The following RBMX2 variants were observed in gnomAD, a reference collection of about 807,000 sequenced individuals.
RBMX2 encodes the protein RNA binding motif protein X-linked 2.
For missense variants in RBMX2, 191 were observed against 256.0 expected (o/e 0.75, Z 1.73); for synonymous variants, 77 against 94.3 (o/e 0.82, Z 1.07).
chrX:130,412,920 A>G lies in RBMX2; in HGVS notation c.*72A>G, dbSNP rs2034522600. Reference sequence around the variant, plus strand: ...TGCAGTCAAATTCAGTTGGGTGGTTACTATTTTTGTATCTAAAACTTCTGG... The same window carrying G: ...TGCAGTCAAATTCAGTTGGGTGGTTGCTATTTTTGTATCTAAAACTTCTGG... On this transcript the variant is annotated 3_prime_UTR_variant, in exon 6 of 6. Transcript: ENST00000305536. The G allele has an allele frequency of 9.6e-7, 1 of 1,041,658 alleles. No homozygotes were observed. 85.8% of individuals were successfully genotyped at this position (1,041,658 alleles called of 1,213,427 possible).
intron 1 of RBMX2, 31 bp from the exon 2 acceptor site, chrX:130,402,224 T>TCCCC: frequency 8.5e-7 from 1 of 1,174,326 alleles, no homozygotes; most frequent in Non-Finnish European, 1.1e-6. Context: ...CTTTTCTGCC[T>TCCCC]ACCCTCCCCA....
At chrX:130,404,318 ATC>A (rs2034473330) in intron 3 of RBMX2, 1 of 118,135 alleles carries the variant, frequency 8.5e-6, no homozygotes, top group African/African-American at 3.2e-5. Context: ...AGCAAAGGCA[ATC>A]TCTGCCTGGA....
intron 5 of RBMX2, among the ~76,000 whole-genome samples, chrX:130,412,015 C>T (rs746973950): frequency 3.6e-5 from 4 of 111,041 alleles, no homozygotes; most frequent in Non-Finnish European, 7.6e-5. Context: ...CTCCGCCTCC[C>T]GAGTTCATGC....
rs755193135 is a variant in RBMX2, at chrX:130,412,596, G to C, written c.717G>C (p.Glu239Asp). 3.3e-6 allele frequency: 4 copies of C among 1,209,565 alleles called. No homozygotes were observed. Among genetic ancestry groups the C allele is most frequent in the Admixed American group, 2.2e-5 (1 of 45,754 alleles). The change falls in exon 6 of 6, where the codon GAG (glutamate) becomes GAC (aspartate). Residue 239 changes from glutamate (E) to aspartate (D), a missense_variant. Glu to Asp is a conservative substitution (Grantham distance 45, BLOSUM62 2). Transcript: ENST00000305536. ...TAYSGGAEDL[E>D]RELKKEKPKH... is the part of the protein sequence containing the mutation. Reference sequence around the variant, plus strand: ...ACTCTGGTGGAGCAGAGGACCTAGAGAGGGAGCTGAAGAAGGAGAAACCCA... The same window carrying C: ...ACTCTGGTGGAGCAGAGGACCTAGACAGGGAGCTGAAGAAGGAGAAACCCA...
chrX:130,412,996 A>C lies in RBMX2; in HGVS notation c.*148A>C, dbSNP rs2034523066. On this transcript the variant is annotated 3_prime_UTR_variant, in exon 6 of 6. Transcript: ENST00000305536. ...TATTTAGAGTCATTGGGAGGGCTGCAGTTTCAACAGCTAGATATCCTGGAT... is the reference window on the plus strand; with the variant it reads ...TATTTAGAGTCATTGGGAGGGCTGCCGTTTCAACAGCTAGATATCCTGGAT... 1 of 533,061 alleles carries C rather than the reference A, an allele frequency of 1.9e-6. No individual in the cohort carries two copies. The highest frequency in any genetic ancestry group is 2.9e-6 in the Non-Finnish European group (1 of 341,079). 43.9% of individuals were successfully genotyped at this position (533,061 alleles called of 1,213,427 possible). A position where few individuals can be genotyped will look rare whatever the true frequency, so the allele number is the denominator to read the frequency against.
intron 3 of RBMX2, among the ~76,000 whole-genome samples, chrX:130,404,888 C>T (rs150937949): frequency 0.031 from 3,495 of 112,747 alleles, 55 homozygotes; most frequent in Middle Eastern, 0.06. Flanking sequence ...AAGTTCACAG[C>T]AGGTGCAGCC....
In RBMX2 at chrX:130,411,388, A is replaced by C; in HGVS notation, c.344A>C (p.Tyr115Ser). ...RTIRVDHVSNYRAPKDSEEID... is the reference protein window; with the variant it reads ...RTIRVDHVSNSRAPKDSEEID... ...ATCCGAGTGGATCATGTGTCTAACT[A>C]TCGGGCTCCTAAGGACTCAGAAGAA... Residue 115 changes from tyrosine to serine, a missense_variant, in exon 5 of 6, where the codon TAT becomes TCT. By Grantham distance (144) the Tyr-to-Ser change is moderately radical (BLOSUM62 -2). Coordinates refer to ENST00000305536, the MANE Select transcript of RBMX2 (RefSeq NM_016024.4). The C allele has an allele frequency of 1.7e-6, 2 of 1,204,565 alleles. No individual in the cohort carries two copies. Among genetic ancestry groups the C allele is most frequent in the Non-Finnish European group, 2.2e-6 (2 of 892,405 alleles).
Position 130,403,788 on chromosome X carries a change from G to T in RBMX2, c.122-14G>T, listed in dbSNP as rs747953293. On this transcript the variant is annotated splice_polypyrimidine_tract_variant and intron_variant, in intron 2 of 5. Transcript: ENST00000305536. ...TAAATGTTGGTGGAACTGAAATGTG[G>T]TTTTCTCTTCTAGGAGGGCTTCCTT... 5.7e-5 allele frequency: 69 copies of T among 1,205,522 alleles called. No homozygotes were observed. Among genetic ancestry groups the T allele is most frequent in the Non-Finnish European group, 7.6e-5 (68 of 890,812 alleles).
At chrX:130,407,734 T>G (rs1328908300) in intron 3 of RBMX2, among the ~76,000 whole-genome samples, 1 of 108,541 alleles carries the variant, frequency 9.2e-6, no homozygotes, top group Admixed American at 9.9e-5. Context: ...CCTAGCTCAC[T>G]GCAGCCTCGA....
Position 130,412,983 on chromosome X carries a change from T to G in RBMX2, c.*135T>G, listed in dbSNP as rs2034523021. On this transcript the variant is annotated 3_prime_UTR_variant, in exon 6 of 6. Transcript: ENST00000305536. ...TTAATCCCTTGACTATTTAGAGTCA[T>G]TGGGAGGGCTGCAGTTTCAACAGCT... is the stretch of plus-strand genomic sequence containing the variant. The G allele has an allele frequency of 6.3e-6, 4 of 633,017 alleles. No homozygotes were observed. In the Admixed American group the frequency reaches 1.6e-4, roughly 26 times the overall value. The allele number at this position is 633,017 out of a possible 1,213,427, so 52.2% of individuals were successfully genotyped here.
intron 3 of RBMX2, 183 bp downstream of exon 3, chrX:130,404,036 G>A (rs965554099): frequency 4.6e-6 from 2 of 431,839 alleles, no homozygotes; most frequent in Admixed American, 3.6e-5. Context: ...TTCTGTGGGA[G>A]ATCCAAGAGG....
At position 130,413,228 on chromosome X, in the gene RBMX2, T is replaced by C. The variant is rs2034524189; in HGVS notation, c.*380T>C. ...TTTCCAGTTACTAGGTTTGGACAGCTTGATGTGAACGAATGGGATAGGATT... is the reference window on the plus strand; with the variant it reads ...TTTCCAGTTACTAGGTTTGGACAGCCTGATGTGAACGAATGGGATAGGATT... On this transcript the variant is annotated 3_prime_UTR_variant, in exon 6 of 6. Transcript: ENST00000305536. 8.4e-6 allele frequency: 1 copy of C among 118,762 alleles called. No homozygotes were observed. The allele number at this position is 118,762 out of a possible 1,213,427, so 9.8% of individuals were successfully genotyped here. A position where few individuals can be genotyped will look rare whatever the true frequency, so the allele number is the denominator to read the frequency against.
chrX:130,402,224 T>TTGCCAA, intron 1 of RBMX2, 31 bp from the exon 2 acceptor site: 1 of 1,174,329 alleles, frequency 8.5e-7, no homozygotes, highest in Non-Finnish European at 1.1e-6. Context: ...CTTTTCTGCC[T>TTGCCAA]ACCCTCCCCA....
chrX:130,409,408 G>A lies in RBMX2; in HGVS notation c.303+22G>A, dbSNP rs1022318948. 3.4e-6 allele frequency: 4 copies of A among 1,189,523 alleles called. No individual in the cohort carries two copies. In the African/African-American group the frequency reaches 5.3e-5, roughly 16 times the overall value. ...CAAGGTGAGTGTGCTTATTAAGCAG[G>A]TTGGTTGGACTTTTTTCCCATGTAT... is the stretch of plus-strand genomic sequence containing the variant. On this transcript the variant is annotated intron_variant, in intron 4 of 5. Coordinates refer to ENST00000305536, the MANE Select transcript of RBMX2 (RefSeq NM_016024.4).
At chrX:130,407,658 G>A (rs59224232) in intron 3 of RBMX2, among the ~76,000 whole-genome samples, 12,050 of 106,850 alleles carry the variant, frequency 0.11, 1,712 homozygotes, top group African/African-American at 0.38. Context: ...TTTTTCTAAT[G>A]TTTTTTCTTT....
intron 3 of RBMX2, among the ~76,000 whole-genome samples, chrX:130,408,387 A>T (rs1035008634): frequency 8.9e-6 from 1 of 112,407 alleles, no homozygotes; most frequent in Non-Finnish European, 1.9e-5. Context: ...TCACAATAAA[A>T]TTCTTTTAAA....
rs190736932 is a variant in RBMX2, at chrX:130,404,795, G to A, written c.173+942G>A. ...GGGCAATACCCGTGAGAAGAAGGCT[G>A]TGATAGAGAACCTGGGCAACCCACA... On this transcript the variant is annotated intron_variant, in intron 3 of 5. Transcript: ENST00000305536. Among the ~76,000 whole-genome samples the A allele has an allele frequency of 6.2e-5, 7 of 112,452 alleles. No individual in the cohort carries two copies. In the Admixed American group the frequency reaches 6.5e-4, roughly 10 times the overall value.
chrX:130,403,736 A>G (rs2034469057), intron 2 of RBMX2, 66 bp from the exon 3 acceptor site: 1 of 1,005,454 alleles, frequency 9.9e-7, no homozygotes, highest in Non-Finnish European at 1.4e-6. Context: ...TGCCTGGCCT[A>G]GTGCGTGGTA....
rs1396390973 is a variant in RBMX2 at position 130,406,011 on chromosome X, C to T, written c.173+2158C>T. On this transcript the variant is annotated intron_variant, in intron 3 of 5. Coordinates refer to ENST00000305536, the MANE Select transcript of RBMX2 (RefSeq NM_016024.4). ...CTGGGACTACAGGCGCCCGCCACTA[C>T]GCCCGGCTAATTTTTTTGTATTTTT... is the stretch of plus-strand genomic sequence containing the variant. Among the ~76,000 whole-genome samples the T allele has an allele frequency of 2.5e-5, 2 of 79,607 alleles. 1 individual carries two copies. The highest frequency in any genetic ancestry group is 4.3e-5 in the Non-Finnish European group (2 of 46,392). 69.1% of individuals were successfully genotyped at this position (79,607 alleles called of 115,157 possible).
Sources: gnomAD v4.1 joint callset for allele counts (sites outside exome capture counted in the v4.1 genomes callset) on GRCh38, gnomAD v4.1.1 for gene constraint, MANE v1.5 for transcripts, NCBI Gene and HGNC (gene_info 2026-07-23, HGNC 2026-07-21) for gene names.